Variants in EBF1 observed in about 807,000 individuals in gnomAD.
EBF1 encodes transcription factor COE1.
Under a neutral mutation model 68.4 loss-of-function variants are expected in EBF1, and 10 were observed. The observed-to-expected ratio is 0.15, with a 90% CI of 0.09 to 0.25. EBF1 has a LOEUF of 0.25. Ranked by LOEUF, EBF1 falls within the 10% of genes least tolerant of loss-of-function variation. The pLI is 1.00. For missense variants in EBF1, 509 were observed against 794.4 expected (o/e 0.64, Z 4.32); for synonymous variants, 298 against 299.8 (o/e 0.99, Z 0.06).
intron 6 of EBF1, among the ~76,000 whole-genome samples, chr5:158,886,386 G>C (rs1800043979): frequency 6.6e-6 from 1 of 152,188 alleles, no homozygotes; most frequent in Non-Finnish European, 1.5e-5. Flanking sequence ...AACATTCCAA[G>C]TTAGATAGAT....
At chr5:158,983,730 A>T (rs908765656) in intron 6 of EBF1, 1 of 152,212 alleles carries the variant, frequency 6.6e-6, no homozygotes, top group African/African-American at 2.4e-5. Flanking sequence ...ATGCTACCAC[A>T]TGGGTGGGAG....
At chr5:158,707,197 G>A (rs1261603545) in intron 15 of EBF1, among the ~76,000 whole-genome samples, 1 of 152,168 alleles carries the variant, frequency 6.6e-6, no homozygotes, top group Non-Finnish European at 1.5e-5. Flanking sequence ...CAATGAATGA[G>A]GTTGTGCAGG....
chr5:159,063,358 G>C (rs1299627858), intron 6 of EBF1, among the ~76,000 whole-genome samples: 1 of 152,174 alleles, frequency 6.6e-6, no homozygotes, highest in Non-Finnish European at 1.5e-5. Flanking sequence ...ATTTGCCCAA[G>C]TTCGATACCT....
chr5:159,044,614 G>A (rs1771950619), intron 6 of EBF1, among the ~76,000 whole-genome samples: 1 of 152,232 alleles, frequency 6.6e-6, no homozygotes, highest in South Asian at 2.1e-4. Flanking sequence ...TTGCCACAGA[G>A]TATTCATATA....
At position 159,087,873 on chromosome 5, in the gene EBF1, G is replaced by T. The variant is rs116836032; in HGVS notation, c.412-3134C>A. ...GAAACCATCAGTTTGGATTTGCTCA[G>T]AAATAGTTAGGAACTCTAGGGAGGA... On this transcript the variant is annotated intron_variant, in intron 4 of 15. Coordinates refer to ENST00000313708, the MANE Select transcript of EBF1 (RefSeq NM_024007.5). 5.3e-3 allele frequency among the ~76,000 whole-genome samples: 811 copies of T among 152,236 alleles called. 2 individuals carry two copies. The highest frequency in any genetic ancestry group is 0.019 in the African/African-American group (783 of 41,556).
intron 6 of EBF1, among the ~76,000 whole-genome samples, chr5:159,028,467 T>C (rs1441806919): frequency 6.6e-6 from 1 of 152,182 alleles, no homozygotes; most frequent in Admixed American, 6.5e-5. Context: ...AAATATTTAT[T>C]TAGAAAGTAT....
At chr5:159,010,241 G>C (rs1326878211) in intron 6 of EBF1, among the ~76,000 whole-genome samples, 1 of 152,202 alleles carries the variant, frequency 6.6e-6, no homozygotes, top group African/African-American at 2.4e-5. Context: ...AGGGTGGACA[G>C]ACACAGACAG....
chr5:159,063,225 T>C (rs1273289884), intron 6 of EBF1, among the ~76,000 whole-genome samples: 1 of 152,216 alleles, frequency 6.6e-6, no homozygotes, highest in African/African-American at 2.4e-5. Context: ...TACCTGCCTG[T>C]GCTCAGCAAT....
intron 6 of EBF1, among the ~76,000 whole-genome samples, chr5:159,016,189 T>C (rs1248013678): frequency 2.0e-5 from 3 of 152,218 alleles, no homozygotes; most frequent in African/African-American, 7.2e-5. Flanking sequence ...AAACATTCCA[T>C]ACAGAACCTA....
At chr5:159,026,183 G>A (rs1406134918) in intron 6 of EBF1, among the ~76,000 whole-genome samples, 1 of 152,058 alleles carries the variant, frequency 6.6e-6, no homozygotes, top group African/African-American at 2.4e-5. Context: ...CCCGGGCTCA[G>A]TCTTTGACAT....
At chr5:158,868,998 A>G (rs1395633629) in intron 6 of EBF1, among the ~76,000 whole-genome samples, 1 of 152,130 alleles carries the variant, frequency 6.6e-6, no homozygotes, top group Non-Finnish European at 1.5e-5. Context: ...GATGATATGT[A>G]CTTTTCCTTT....
At chr5:158,919,051 A>G (rs1807830995) in intron 6 of EBF1, among the ~76,000 whole-genome samples, 1 of 152,226 alleles carries the variant, frequency 6.6e-6, no homozygotes, top group Non-Finnish European at 1.5e-5. Context: ...ATTTGGTGAA[A>G]GAACAGAATT....
intron 6 of EBF1, among the ~76,000 whole-genome samples, chr5:159,016,522 G>T (rs1183781851): frequency 6.6e-6 from 1 of 152,168 alleles, no homozygotes; most frequent in Non-Finnish European, 1.5e-5. Context: ...AATTTTAGGT[G>T]CTTGCTCTTT....
intron 6 of EBF1, among the ~76,000 whole-genome samples, chr5:158,994,738 GT>G (rs1467176460): frequency 6.6e-6 from 1 of 152,110 alleles, no homozygotes; most frequent in Non-Finnish European, 1.5e-5. Context: ...TCCCAAACAT[GT>G]CATTACATTA....
intron 6 of EBF1, among the ~76,000 whole-genome samples, chr5:158,840,460 A>T (rs1162208574): frequency 6.6e-6 from 1 of 152,184 alleles, no homozygotes; most frequent in East Asian, 1.9e-4. Flanking sequence ...CAACGACAAC[A>T]TGCAGTTTAA....
intron 6 of EBF1, among the ~76,000 whole-genome samples, chr5:159,052,844 A>G (rs996761936): frequency 1.3e-5 from 2 of 152,184 alleles, no homozygotes; most frequent in Non-Finnish European, 2.9e-5. Flanking sequence ...CTTTGTGTCA[A>G]TGAAGCCTGG....
At chr5:158,757,708 C>T (rs944945617) in intron 10 of EBF1, among the ~76,000 whole-genome samples, 2 of 152,146 alleles carry the variant, frequency 1.3e-5, no homozygotes, top group Non-Finnish European at 2.9e-5. Flanking sequence ...ACCTCTTTGA[C>T]TCAGTTTCTT....
At chr5:158,950,462 GA>G (rs1357417069) in intron 6 of EBF1, among the ~76,000 whole-genome samples, 1 of 152,132 alleles carries the variant, frequency 6.6e-6, no homozygotes, top group Non-Finnish European at 1.5e-5. Context: ...GCCCACACAG[GA>G]CCAGAAAGAA....
At chr5:158,729,954 C>A (rs983860732) in intron 11 of EBF1, among the ~76,000 whole-genome samples, 3 of 152,190 alleles carry the variant, frequency 2.0e-5, no homozygotes, top group Non-Finnish European at 4.4e-5. Context: ...GGTGGCCCTG[C>A]CTACAAGGGC....
Sources: gnomAD v4.1 joint callset for allele counts (sites outside exome capture counted in the v4.1 genomes callset) on GRCh38, gnomAD v4.1.1 for gene constraint, MANE v1.5 for transcripts, NCBI Gene and HGNC (gene_info 2026-07-23, HGNC 2026-07-21) for gene names.